Variants in ALK observed in about 807,000 individuals in gnomAD.
The protein encoded by ALK is ALK tyrosine kinase receptor.
Under a neutral mutation model 163.1 loss-of-function variants are expected in ALK, and 74 were observed. That is an observed-to-expected ratio of 0.45 (90% CI 0.38 to 0.55). ALK has a LOEUF of 0.55. Ranked by LOEUF, ALK falls within the 20% of genes least tolerant of loss-of-function variation. ALK has a pLI of 0.00. For missense variants in ALK, 2,063 were observed against 2,105.3 expected (o/e 0.98, Z 0.39); for synonymous variants, 960 against 843.2 (o/e 1.14, Z -2.40).
At chr2:29,196,733 T>A (rs1669031663) in intron 28 of ALK, 37 bp downstream of exon 28, 1 of 1,459,116 alleles carries the variant, frequency 6.9e-7, no homozygotes. Context: ...CTGTTTCATA[T>A]AGAGTAAATG....
At chr2:29,811,012 C>A (rs1471281863) in intron 1 of ALK, among the ~76,000 whole-genome samples, 1 of 152,034 alleles carries the variant, frequency 6.6e-6, no homozygotes, top group Non-Finnish European at 1.5e-5. Flanking sequence ...TCTTGGACTT[C>A]TAGTTTCTAG....
At chr2:29,505,329 A>G (rs113313495) in intron 4 of ALK, among the ~76,000 whole-genome samples, 197 of 152,198 alleles carry the variant, frequency 1.3e-3, no homozygotes, top group African/African-American at 4.5e-3. Flanking sequence ...TGGGTCATCA[A>G]TGGTGCCTGA....
At chr2:29,274,078 A>T (rs1665465315) in intron 11 of ALK, among the ~76,000 whole-genome samples, 2 of 152,206 alleles carry the variant, frequency 1.3e-5, no homozygotes, top group South Asian at 2.1e-4. Flanking sequence ...TGGCAGCTGG[A>T]TTAGATCAGG....
chr2:29,759,810 C>T (rs1016647257), intron 1 of ALK, among the ~76,000 whole-genome samples: 31 of 152,140 alleles, frequency 2.0e-4, no homozygotes, highest in African/African-American at 6.5e-4. Context: ...CTTCCAACGT[C>T]GAAAGCCATT....
chr2:29,810,014 G>A (rs1189772994), intron 1 of ALK, among the ~76,000 whole-genome samples: 1 of 152,132 alleles, frequency 6.6e-6, no homozygotes, highest in Admixed American at 6.5e-5. Context: ...ACTATATATG[G>A]GTTAAAAAGG....
In ALK at chr2:29,852,843, T is replaced by G. The variant is rs1474347115; in HGVS notation, c.667+67150A>C. ...AAAAGACCAGAGCTTTCTCTCTCTC[T>G]CTCTCTCTCTCTCTCTCTCTCTCTC... On this transcript the variant is annotated intron_variant, in intron 1 of 28. Transcript: ENST00000389048. Among the ~76,000 whole-genome samples the G allele has an allele frequency of 4.1e-3, 315 of 76,204 alleles. 1 individual carries two copies. The highest frequency in any genetic ancestry group is 8.7e-3 in the African/African-American group (230 of 26,366). The allele number at this position is 76,204 out of a possible 152,430, so 50.0% of individuals were successfully genotyped here. A position where few individuals can be genotyped will look rare whatever the true frequency, so the allele number is the denominator to read the frequency against.
At chr2:29,499,224 G>T (rs1222918908) in intron 4 of ALK, among the ~76,000 whole-genome samples, 3 of 151,894 alleles carry the variant, frequency 2.0e-5, no homozygotes, top group Non-Finnish European at 4.4e-5. Context: ...TTTGAGACAG[G>T]GTCTTGCTGT....
At chr2:29,817,928 G>C (rs1011772968) in intron 1 of ALK, among the ~76,000 whole-genome samples, 1 of 152,170 alleles carries the variant, frequency 6.6e-6, no homozygotes, top group African/African-American at 2.4e-5. Flanking sequence ...TAATTTTAGA[G>C]AAAGCAAGAA....
chr2:29,432,323 G>C (rs1017319245), intron 4 of ALK, among the ~76,000 whole-genome samples: 1 of 151,962 alleles, frequency 6.6e-6, no homozygotes, highest in African/African-American at 2.4e-5. Context: ...TTATTTAAAA[G>C]AGCCTGGCAC....
At chr2:29,549,224 A>G (rs1329097700) in intron 3 of ALK, among the ~76,000 whole-genome samples, 3 of 152,000 alleles carry the variant, frequency 2.0e-5, no homozygotes, top group African/African-American at 4.8e-5. Context: ...TGTGAAATAT[A>G]TTTCTTACTG....
At chr2:29,225,848 A>C (rs1488313670) in intron 18 of ALK, among the ~76,000 whole-genome samples, 1 of 152,132 alleles carries the variant, frequency 6.6e-6, no homozygotes, top group Non-Finnish European at 1.5e-5. Context: ...CTATGGGGTG[A>C]GGATGGAAGG....
At chr2:29,379,316 A>G (rs1008848369) in intron 5 of ALK, among the ~76,000 whole-genome samples, 2 of 152,088 alleles carry the variant, frequency 1.3e-5, no homozygotes, top group Admixed American at 1.3e-4. Context: ...TTTCTTTTGG[A>G]AGTAGTAGGG....
intron 1 of ALK, among the ~76,000 whole-genome samples, chr2:29,871,790 A>G (rs1331160719): frequency 6.6e-6 from 1 of 152,248 alleles, no homozygotes; most frequent in Non-Finnish European, 1.5e-5. Flanking sequence ...GACTCATCCA[A>G]GGTCACACAG....
At chr2:29,385,014 A>T (rs1668995479) in intron 4 of ALK, among the ~76,000 whole-genome samples, 1 of 152,034 alleles carries the variant, frequency 6.6e-6, no homozygotes, top group South Asian at 2.1e-4. Context: ...TCGCCACTGC[A>T]TTCCAGCCTG....
chr2:29,482,286 T>C (rs1671680901), intron 4 of ALK, among the ~76,000 whole-genome samples: 1 of 152,152 alleles, frequency 6.6e-6, no homozygotes, highest in East Asian at 1.9e-4. Context: ...TTTTACTGTT[T>C]AGAGCCATAA....
chr2:29,870,795 A>G (rs1666558301), intron 1 of ALK, among the ~76,000 whole-genome samples: 1 of 152,196 alleles, frequency 6.6e-6, no homozygotes, highest in Non-Finnish European at 1.5e-5. Flanking sequence ...TCTACTTCAT[A>G]CATTTTTGTT....
chr2:29,749,676 C>T (rs1680299994), intron 1 of ALK, among the ~76,000 whole-genome samples: 1 of 152,128 alleles, frequency 6.6e-6, no homozygotes, highest in Non-Finnish European at 1.5e-5. Context: ...GTCATGGCTC[C>T]CCCACAGCCC....
At chr2:29,853,913 C>CT (rs67087505) in intron 1 of ALK, among the ~76,000 whole-genome samples, 105,116 of 140,528 alleles carry the variant, frequency 0.75, 38,390 homozygotes, top group Non-Finnish European at 0.79. Flanking sequence ...CTTTTCTTTT[C>CT]TTTTTTTTTT....
intron 1 of ALK, among the ~76,000 whole-genome samples, chr2:29,919,535 T>G (rs1437953597): frequency 6.6e-6 from 1 of 152,132 alleles, no homozygotes; most frequent in African/African-American, 2.4e-5. Flanking sequence ...TTCAATAATA[T>G]GAAGAGAAAT....
Sources: gnomAD v4.1 joint callset for allele counts (sites outside exome capture counted in the v4.1 genomes callset) on GRCh38, gnomAD v4.1.1 for gene constraint, MANE v1.5 for transcripts, NCBI Gene and HGNC (gene_info 2026-07-23, HGNC 2026-07-21) for gene names.